EIF2AK3: variants seen among roughly 807,000 people sequenced by gnomAD.
The protein encoded by EIF2AK3 is eukaryotic translation initiation factor 2 alpha kinase 3.
In EIF2AK3, 50 loss-of-function variants were observed where a neutral mutation model predicts 113.5. The ratio of observed to expected loss-of-function variants is 0.44; its 90% CI spans 0.35 to 0.56. The LOEUF (loss-of-function observed/expected upper bound fraction) is 0.56, where lower values mean the gene tolerates loss of function less well. Ranked by LOEUF, EIF2AK3 falls within the 20% of genes least tolerant of loss-of-function variation. The pLI, the probability that EIF2AK3 is intolerant of heterozygous loss-of-function variation, is 0.00. For synonymous variants in EIF2AK3, 448 were observed against 495.4 expected (o/e 0.90, Z 1.27); for missense variants, 1,185 against 1,378.0 (o/e 0.86, Z 2.22).
chr2:88,587,332 G>A (rs900936068), intron 8 of EIF2AK3, among the ~76,000 whole-genome samples: 1 of 149,828 alleles, frequency 6.7e-6, no homozygotes, highest in Non-Finnish European at 1.5e-5. Context: ...CTGATGAGTC[G>A]TCTACGTGTT....
chr2:88,576,121 A>G (rs969455578), intron 12 of EIF2AK3, among the ~76,000 whole-genome samples: 1 of 152,254 alleles, frequency 6.6e-6, no homozygotes, highest in African/African-American at 2.4e-5. Flanking sequence ...AGAACTAAAT[A>G]ACAAACATTT....
At position 88,586,084 on chromosome 2, in the gene EIF2AK3, G is replaced by A. The variant is rs369961984; in HGVS notation, c.1430-23C>T. The A allele has an allele frequency of 8.2e-6, 13 of 1,586,938 alleles. No individual in the cohort carries two copies. In the Admixed American group the frequency reaches 1.0e-4, roughly 12 times the overall value. ...TATCTTCAAATAGAAACATTAAAAC[G>A]TTTTTTTTAAAGGTAATCAAAAATA... On this transcript the variant is annotated intron_variant, in intron 8 of 16. Coordinates refer to ENST00000303236, the MANE Select transcript of EIF2AK3 (RefSeq NM_004836.7).
At chr2:88,579,736 T>A in intron 10 of EIF2AK3, 96 bp from the exon 11 acceptor site, 1 of 1,159,288 alleles carries the variant, frequency 8.6e-7, no homozygotes, top group Non-Finnish European at 1.2e-6. Flanking sequence ...TAAAAATGTA[T>A]AAACTCATAG....
chr2:88,599,441 C>A (rs1198937723), intron 2 of EIF2AK3, among the ~76,000 whole-genome samples: 1 of 151,914 alleles, frequency 6.6e-6, no homozygotes, highest in South Asian at 2.1e-4. Context: ...TATGCACATA[C>A]CCTATAATAA....
chr2:88,611,475 T>G (rs1675453913), intron 2 of EIF2AK3, among the ~76,000 whole-genome samples: 1 of 152,174 alleles, frequency 6.6e-6, no homozygotes, highest in African/African-American at 2.4e-5. Context: ...TCTATCATGT[T>G]ATCGCAGCTG....
chr2:88,622,069 G>A (rs1558666490), intron 1 of EIF2AK3, among the ~76,000 whole-genome samples: 1 of 151,850 alleles, frequency 6.6e-6, no homozygotes, highest in Non-Finnish European at 1.5e-5. Flanking sequence ...GCTAATTTTT[G>A]TATTTTTAGT....
At chr2:88,601,577 G>A (rs1316518850) in intron 2 of EIF2AK3, among the ~76,000 whole-genome samples, 1 of 152,154 alleles carries the variant, frequency 6.6e-6, no homozygotes, top group African/African-American at 2.4e-5. Flanking sequence ...AGCACCATCT[G>A]GCCCTTTACA....
intron 2 of EIF2AK3, among the ~76,000 whole-genome samples, chr2:88,612,663 A>C (rs1675484940): frequency 6.6e-6 from 1 of 152,228 alleles, no homozygotes; most frequent in South Asian, 2.1e-4. Flanking sequence ...GGCTGGGTTT[A>C]CTGGAAAGCA....
intron 14 of EIF2AK3, among the ~76,000 whole-genome samples, chr2:88,568,760 TGTGA>T (rs762903117): frequency 3.2e-4 from 48 of 152,248 alleles, no homozygotes; most frequent in Non-Finnish European, 6.3e-4. Flanking sequence ...TAGATTAGCT[TGTGA>T]GTATCATTAG....
Position 88,627,191 on chromosome 2 carries a change from C to T in EIF2AK3, c.84G>A (p.Val28=). ...GGAGGCCACGGGCGCGCCCCGCGGC[C>T]ACCGTCCTTGCCGCGAGCCCCAGCA... ...LLLLGLAART[V]AAGRARGLPA... is the part of the protein sequence containing the mutation. The change falls in exon 1 of 17, where the codon GTG becomes GTA. Residue 28 remains valine (V), a synonymous_variant. Transcript: ENST00000303236. 1 of 1,453,894 alleles carries T rather than the reference C, an allele frequency of 6.9e-7. No individual in the cohort carries two copies. Among genetic ancestry groups the T allele is most frequent in the Non-Finnish European group, 9.0e-7 (1 of 1,109,086 alleles). 90.1% of individuals were successfully genotyped at this position (1,453,894 alleles called of 1,614,324 possible).
intron 2 of EIF2AK3, 183 bp from the exon 3 acceptor site, chr2:88,595,846 C>G (rs1295022557): frequency 1.4e-6 from 1 of 692,062 alleles, no homozygotes; most frequent in Non-Finnish European, 2.6e-6. Context: ...AGTCCATCAA[C>G]CAAAAGTAAT....
At chr2:88,603,737 T>C (rs996650419) in intron 2 of EIF2AK3, among the ~76,000 whole-genome samples, 8 of 152,194 alleles carry the variant, frequency 5.3e-5, no homozygotes, top group East Asian at 1.9e-4. Flanking sequence ...CTCACCCTAC[T>C]TTCTTTCAAG....
chr2:88,563,643 G>A (rs1032090010), intron 14 of EIF2AK3, among the ~76,000 whole-genome samples: 1 of 152,072 alleles, frequency 6.6e-6, no homozygotes, highest in East Asian at 1.9e-4. Flanking sequence ...GGGTATTTGG[G>A]TACAGGGATA....
chr2:88,573,613 G>A (rs953225431), intron 13 of EIF2AK3, among the ~76,000 whole-genome samples: 3 of 152,052 alleles, frequency 2.0e-5, no homozygotes, highest in Admixed American at 6.6e-5. Flanking sequence ...TTGGGCCCAC[G>A]TCAAAATCAC....
intron 1 of EIF2AK3, among the ~76,000 whole-genome samples, chr2:88,624,164 T>C (rs1043099714): frequency 6.6e-6 from 1 of 152,156 alleles, no homozygotes; most frequent in African/African-American, 2.4e-5. Flanking sequence ...GCTAATTTTT[T>C]GTATTTTTAG....
At chr2:88,592,277 C>T (rs888824897) in intron 4 of EIF2AK3, among the ~76,000 whole-genome samples, 1 of 151,876 alleles carries the variant, frequency 6.6e-6, no homozygotes, top group Non-Finnish European at 1.5e-5. Context: ...AGGTATTAGG[C>T]TAAATAAATG....
rs1463949493 is a variant in EIF2AK3, at chr2:88,590,973, A to C, written c.847T>G (p.Phe283Val). ...TCTTCTGTGTTCTCATTGGGCTTAA[A>C]GGTGCTTTCAATAAATCCGGCTCTC... is the stretch of plus-strand genomic sequence containing the variant. ...ETRAGFIEST[F>V]KPNENTEESK... The change falls in exon 5 of 17, where the codon TTT becomes GTT. Residue 283 changes from phenylalanine to valine, a missense_variant. Around this residue, in one of 3 missense-constraint regions of EIF2AK3, gnomAD observed 877 missense variants for 1,024.2 expected, o/e 0.86. Transcript: ENST00000303236. 1 of 1,614,024 alleles carries C rather than the reference A, an allele frequency of 6.2e-7. No homozygotes were observed. Among genetic ancestry groups the C allele is most frequent in the Admixed American group, 1.7e-5 (1 of 60,008 alleles).
intron 13 of EIF2AK3, among the ~76,000 whole-genome samples, chr2:88,573,309 A>G (rs1674365912): frequency 6.6e-6 from 1 of 152,190 alleles, no homozygotes; most frequent in African/African-American, 2.4e-5. Flanking sequence ...ATATTTACCA[A>G]TATCTCATTT....
At chr2:88,580,505 A>C (rs1674571921) in intron 10 of EIF2AK3, among the ~76,000 whole-genome samples, 1 of 152,104 alleles carries the variant, frequency 6.6e-6, no homozygotes, top group African/African-American at 2.4e-5. Flanking sequence ...ATTTTTTGCA[A>C]TTATGTGTAA....
Sources: gnomAD v4.1 joint callset for allele counts (sites outside exome capture counted in the v4.1 genomes callset) on GRCh38, gnomAD v4.1.1 for gene constraint, gnomAD v4.1.1 regional missense constraint, MANE v1.5 for transcripts, NCBI Gene and HGNC (gene_info 2026-07-23, HGNC 2026-07-21) for gene names.